Variants in CGREF1 observed in about 807,000 individuals in gnomAD.
CGREF1 encodes the protein cell growth regulator with EF hand domain protein 1.
A neutral mutation model predicts 17.4 loss-of-function variants in CGREF1; 16 were observed. The ratio of observed to expected loss-of-function variants is 0.92; its 90% CI spans 0.62 to 1.40. The LOEUF is 1.40. Among genes scored for constraint, CGREF1 ranks in the 40% most tolerant of loss-of-function variants. The probability of loss-of-function intolerance (pLI) is 0.00; values close to 1 mark genes in which losing one functional copy is unlikely to be tolerated. For synonymous variants in CGREF1, 142 were observed against 154.6 expected, an observed-to-expected ratio of 0.92 and a Z score of 0.61; for missense variants, 296 against 376.4, an observed-to-expected ratio of 0.79 and a Z score of 1.77.
chr2:27,110,194 G>A (rs1204144137), intron 1 of CGREF1, among the ~76,000 whole-genome samples: 2 of 151,614 alleles, frequency 1.3e-5, no homozygotes, highest in Non-Finnish European at 2.9e-5. Context: ...TTTGAGCCCA[G>A]GAGTTTGAGA....
intron 1 of CGREF1, among the ~76,000 whole-genome samples, chr2:27,112,018 C>T (rs902958314): frequency 6.6e-6 from 1 of 152,238 alleles, no homozygotes; most frequent in Non-Finnish European, 1.5e-5. Context: ...TCACCTCTCA[C>T]CAGCACTTTG....
chr2:27,108,234 GAC>G (rs1387532766), intron 1 of CGREF1, among the ~76,000 whole-genome samples: 1 of 152,002 alleles, frequency 6.6e-6, no homozygotes, highest in Non-Finnish European at 1.5e-5. Flanking sequence ...CAGCCTGAGC[GAC>G]AGAGTGAGAC....
At chr2:27,108,688 T>A (rs552249230) in intron 1 of CGREF1, among the ~76,000 whole-genome samples, 139 of 14,072 alleles carry the variant, frequency 9.9e-3, no homozygotes, top group African/African-American at 0.014. Flanking sequence ...GATAGCTGAT[T>A]TCTTGACATC....
At chr2:27,109,216 G>C (rs1671252052) in intron 1 of CGREF1, among the ~76,000 whole-genome samples, 1 of 151,566 alleles carries the variant, frequency 6.6e-6, no homozygotes, top group African/African-American at 2.4e-5. Flanking sequence ...CAAAAAATAG[G>C]AAAAAATTAG....
chr2:27,103,012 C>T (rs1357458203), intron 2 of CGREF1: 10 of 985,234 alleles, frequency 1.0e-5, no homozygotes, highest in Non-Finnish European at 1.2e-5. Flanking sequence ...TATATAGACC[C>T]AGTTTGCTCC....
intron 5 of CGREF1, 29 bp downstream of exon 5, chr2:27,102,068 T>C (rs1272632925): frequency 5.0e-6 from 8 of 1,588,748 alleles, no homozygotes; most frequent in East Asian, 2.3e-5. Context: ...GTCTCCTTTA[T>C]GCGGGGATCT....
At chr2:27,100,080 AGAG>A (rs1466019326), downstream of CGREF1, 1 of 600,980 alleles carries the variant, frequency 1.7e-6, no homozygotes, top group Non-Finnish European at 2.9e-6. Context: ...GCCCAGGCCC[AGAG>A]GAGGGGCTGC....
Position 27,101,741 on chromosome 2 carries a change from G to A in CGREF1, c.490C>T (p.Gln164Ter). The A allele has an allele frequency of 1.2e-6, 2 of 1,614,244 alleles. No individual in the cohort carries two copies. Among genetic ancestry groups the A allele is most frequent in the Non-Finnish European group, 8.5e-7 (1 of 1,180,042 alleles). ...EPLAPSPQEP[Q>*]AVGRQSLLAK... is the part of the protein sequence containing the mutation. ...AATAGGGACTGCCTTCCAACAGCTTGTGGCTCCTGAGGAGATGGAGCAAGG... is the reference window on the plus strand; with the variant it reads ...AATAGGGACTGCCTTCCAACAGCTTATGGCTCCTGAGGAGATGGAGCAAGG... Residue 164 changes from glutamine to a stop codon, truncating the protein, a stop_gained, in exon 6 of 6, where the codon CAA (glutamine) becomes TAA (stop). Coordinates refer to ENST00000402394, the MANE Select transcript of CGREF1 (RefSeq NM_006569.6). LOFTEE classifies it low-confidence loss of function (END_TRUNC).
At position 27,102,428 on chromosome 2, in the gene CGREF1, A is replaced by G. The variant is rs1303852601; in HGVS notation, c.149T>C (p.Leu50Pro). Reference protein sequence around the residue: ...PFQPGQEQLGLLQSYLKGLGR... With the variant: ...PFQPGQEQLGPLQSYLKGLGR... ...TAGTCCCTTTAGGTAGCTCTGCAGAAGTCTGTCAGAAAAGTGGAGAATCAG... is the reference window on the plus strand; with the variant it reads ...TAGTCCCTTTAGGTAGCTCTGCAGAGGTCTGTCAGAAAAGTGGAGAATCAG... Residue 50 changes from leucine to proline, a missense_variant and splice_region_variant, in exon 4 of 6, where the codon CTT becomes CCT. By Grantham distance (98) the Leu-to-Pro change is moderately conservative. This residue lies in a region of CGREF1 where 247 missense variants were observed against 267.2 expected (regional missense o/e 0.92). Transcript: ENST00000402394. 6.2e-7 allele frequency: 1 copy of G among 1,614,076 alleles called. No individual in the cohort carries two copies.
intron 1 of CGREF1, among the ~76,000 whole-genome samples, chr2:27,117,705 A>AT (rs35908937): frequency 0.031 from 3,782 of 123,106 alleles, 167 homozygotes; most frequent in East Asian, 0.15. Context: ...TGGGATCTGA[A>AT]TTTTTTTTTT....
In CGREF1 at chr2:27,101,827, G is replaced by A. The variant is rs1472780472; in HGVS notation, c.404C>T (p.Thr135Ile). 1.2e-6 allele frequency: 2 copies of A among 1,614,014 alleles called. No homozygotes were observed. Among genetic ancestry groups the A allele is most frequent in the Non-Finnish European group, 1.7e-6 (2 of 1,180,050 alleles). The change falls in exon 6 of 6, where the codon ACC (threonine) becomes ATC (isoleucine). Residue 135 changes from threonine (T) to isoleucine (I), a missense_variant. By Grantham distance (89) the Thr-to-Ile change is moderately conservative. Transcript: ENST00000402394. ...CGGGAAGTTGATGAGCTCAGCAGGGGTCATGAGCCCATCCCCATTCAGGTC... is the reference window on the plus strand; with the variant it reads ...CGGGAAGTTGATGAGCTCAGCAGGGATCATGAGCCCATCCCCATTCAGGTC... ...TQDLNGDGLM[T>I]PAELINFPGV... is the part of the protein sequence containing the mutation.
chr2:27,099,393 AC>A (rs1670639252), downstream of CGREF1: 1 of 1,612,386 alleles, frequency 6.2e-7, no homozygotes, highest in Non-Finnish European at 8.5e-7. Context: ...GTGGGCTAAC[AC>A]CCAGCTGAGT....
chr2:27,118,275 G>GC (rs1671662248), intron 1 of CGREF1, among the ~76,000 whole-genome samples: 1 of 152,256 alleles, frequency 6.6e-6, no homozygotes, highest in Admixed American at 6.5e-5. Context: ...CACCTCACAG[G>GC]CCGGCAGTTC....
chr2:27,113,587 G>T (rs747410370), intron 1 of CGREF1, among the ~76,000 whole-genome samples: 3 of 152,138 alleles, frequency 2.0e-5, no homozygotes, highest in Non-Finnish European at 4.4e-5. Context: ...CCCAAAGTTG[G>T]GGGGTATGGG....
chr2:27,118,667 C>G (rs978158603), intron 1 of CGREF1, 179 bp downstream of exon 1: 4 of 152,434 alleles, frequency 2.6e-5, no homozygotes, highest in African/African-American at 9.6e-5. Flanking sequence ...TCCACCTGCC[C>G]TCAGGGTACA....
At chr2:27,109,912 G>A (rs1281484141) in intron 1 of CGREF1, among the ~76,000 whole-genome samples, 139 of 69,976 alleles carry the variant, frequency 2.0e-3, no homozygotes, top group South Asian at 2.6e-3. Context: ...AAAAAAAAAA[G>A]CATGTTAAAA....
intron 1 of CGREF1, among the ~76,000 whole-genome samples, chr2:27,115,898 C>T (rs948002546): frequency 2.0e-5 from 3 of 152,254 alleles, no homozygotes; most frequent in South Asian, 2.1e-4. Flanking sequence ...CCTTAGCATT[C>T]GGTTATAGCC....
chr2:27,106,459 C>T (rs1671123407), intron 1 of CGREF1, among the ~76,000 whole-genome samples: 1 of 152,046 alleles, frequency 6.6e-6, no homozygotes, highest in South Asian at 2.1e-4. Context: ...AGCTGGGATT[C>T]CAAACAGCTA....
At chr2:27,111,628 G>A (rs1332360089) in intron 1 of CGREF1, among the ~76,000 whole-genome samples, 1 of 152,206 alleles carries the variant, frequency 6.6e-6, no homozygotes, top group Non-Finnish European at 1.5e-5. Flanking sequence ...CTCAGGCATG[G>A]CGGGCTGCAG....
Sources: gnomAD v4.1 joint callset for allele counts (sites outside exome capture counted in the v4.1 genomes callset) on GRCh38, gnomAD v4.1.1 for gene constraint, gnomAD v4.1.1 regional missense constraint, MANE v1.5 for transcripts, NCBI Gene and HGNC (gene_info 2026-07-23, HGNC 2026-07-21) for gene names.